CAMTA1: variants seen among roughly 807,000 people sequenced by gnomAD.
The protein encoded by CAMTA1 is calmodulin binding transcription activator 1.
In CAMTA1, 27 loss-of-function variants were observed where a neutral mutation model predicts 170.9. That is an observed-to-expected ratio of 0.16 (90% CI 0.12 to 0.22). The LOEUF (loss-of-function observed/expected upper bound fraction) is 0.22, where lower values mean the gene tolerates loss of function less well. Ranked by LOEUF, CAMTA1 falls within the 10% of genes least tolerant of loss-of-function variation. The pLI is 1.00. For missense variants in CAMTA1, 1,619 were observed against 2,217.2 expected (o/e 0.73, Z 5.42); for synonymous variants, 833 against 891.5 (o/e 0.93, Z 1.17).
intron 6 of CAMTA1, among the ~76,000 whole-genome samples, chr1:7,593,439 C>G (rs552120946): frequency 1.3e-4 from 20 of 150,510 alleles, no homozygotes; most frequent in Non-Finnish European, 5.9e-5. Context: ...GATCAAGGGT[C>G]GAGGAAGGAC....
At chr1:7,047,758 A>G (rs1376327084) in intron 3 of CAMTA1, among the ~76,000 whole-genome samples, 1 of 144,762 alleles carries the variant, frequency 6.9e-6, no homozygotes, top group Non-Finnish European at 1.5e-5. Context: ...AGGATTAGAG[A>G]TTGAAGCTGA....
chr1:7,672,144 C>A, intron 10 of CAMTA1: 1 of 445,644 alleles, frequency 2.2e-6, no homozygotes, highest in Non-Finnish European at 4.5e-6. Context: ...GAGACCCACC[C>A]CTGTCCTCTA....
chr1:6,974,462 A>C (rs1373638553), intron 3 of CAMTA1, among the ~76,000 whole-genome samples: 15 of 152,360 alleles, frequency 9.8e-5, no homozygotes, highest in Non-Finnish European at 2.9e-5. Context: ...ACTGTAGACA[A>C]GCAATTTTTC....
At chr1:7,343,004 C>T (rs745465370) in intron 5 of CAMTA1, among the ~76,000 whole-genome samples, 11 of 152,192 alleles carry the variant, frequency 7.2e-5, no homozygotes, top group Non-Finnish European at 1.2e-4. Flanking sequence ...CATCACACAG[C>T]GCCAGCCCTC....
At chr1:7,211,040 C>G (rs770027337) in intron 4 of CAMTA1, among the ~76,000 whole-genome samples, 4 of 152,160 alleles carry the variant, frequency 2.6e-5, no homozygotes, top group African/African-American at 9.7e-5. Context: ...TCAGTGAACA[C>G]TCATGTACCT....
rs999413462 is a variant in CAMTA1, at chr1:6,796,680, G to C, written c.45+11105G>C. 3.3e-5 allele frequency among the ~76,000 whole-genome samples: 5 copies of C among 152,032 alleles called. 1 individual carries two copies. Among genetic ancestry groups the C allele is most frequent in the South Asian group, 2.1e-4 (1 of 4,828 alleles). ...CCTAGTATTCCTTGTATTGGACTTA[G>C]GGTGCATCTACCCTGGATTGTGCAC... On this transcript the variant is annotated intron_variant, in intron 1 of 22. Transcript: ENST00000303635.
intron 22 of CAMTA1, 91 bp from the exon 23 acceptor site, chr1:7,766,368 G>C (rs552907450): frequency 1.2e-4 from 149 of 1,221,412 alleles, no homozygotes; most frequent in Non-Finnish European, 1.7e-4. Flanking sequence ...TGGCTTTTCA[G>C]TTCAGAGGGA....
intron 3 of CAMTA1, among the ~76,000 whole-genome samples, chr1:7,001,891 C>T (rs946584638): frequency 4.3e-5 from 5 of 116,748 alleles, no homozygotes; most frequent in African/African-American, 1.9e-4. Context: ...TCTTCTTCTT[C>T]TTCTTCTTTT....
chr1:7,374,618 A>G (rs775155780), intron 5 of CAMTA1, among the ~76,000 whole-genome samples: 7 of 152,230 alleles, frequency 4.6e-5, no homozygotes, highest in Non-Finnish European at 7.3e-5. Context: ...CTATTGGTGG[A>G]TGGCTTCTAG....
At chr1:7,586,367 G>A (rs1324716471) in intron 6 of CAMTA1, among the ~76,000 whole-genome samples, 1 of 152,202 alleles carries the variant, frequency 6.6e-6, no homozygotes, top group Non-Finnish European at 1.5e-5. Context: ...CGCCTTATCT[G>A]CGCTCCCCAG....
intron 6 of CAMTA1, among the ~76,000 whole-genome samples, chr1:7,483,829 G>A (rs941137688): frequency 4.6e-5 from 7 of 152,150 alleles, no homozygotes; most frequent in Admixed American, 4.6e-4. Context: ...GGCCGTGGCA[G>A]GACCCCAGGG....
rs779219462 is a variant in CAMTA1 at position 7,092,519 on chromosome 1, C to T, written c.302+1148C>T. Among the ~76,000 whole-genome samples, 6 of 152,190 alleles carry T rather than the reference C, an allele frequency of 3.9e-5. No homozygotes were observed. The highest frequency in any genetic ancestry group is 7.3e-5 in the Non-Finnish European group (5 of 68,034). On this transcript the variant is annotated intron_variant, in intron 4 of 22. Transcript: ENST00000303635. This position sits in a 1 kb window ranked among gnomAD's most constrained non-coding sequence, Gnocchi z 5.0. The stretch of plus-strand genomic sequence containing the variant: ...AAGGAAGGTTAGTTATTGAGGCTCC[C>T]TTCCCCAGGTGGCTCTGAATGGTTC...
At chr1:7,644,153 C>T (rs2095787488) in intron 7 of CAMTA1, among the ~76,000 whole-genome samples, 1 of 152,176 alleles carries the variant, frequency 6.6e-6, no homozygotes, top group Non-Finnish European at 1.5e-5. Context: ...CAGCCTTCAC[C>T]TCACCTGCTG....
chr1:7,090,061 T>C (rs1285335410), intron 3 of CAMTA1, among the ~76,000 whole-genome samples: 20 of 152,220 alleles, frequency 1.3e-4, no homozygotes, highest in Admixed American at 1.3e-3. Flanking sequence ...AGGTCCAGGC[T>C]TCCGGACAGA....
chr1:7,525,937 C>A (rs897922679), intron 6 of CAMTA1, among the ~76,000 whole-genome samples: 3 of 152,046 alleles, frequency 2.0e-5, no homozygotes, highest in Admixed American at 2.0e-4. Context: ...CCCACCCAGA[C>A]CTGGGAAGCC....
chr1:7,663,355 G>A lies in CAMTA1; in HGVS notation c.808G>A (p.Ala270Thr), dbSNP rs2095977979. ...GTGTTGTGTTCCGATCTCCGCAGGA[G>A]CTGGCGGCAGCGTGCATCACAAGTG... ...HNCLCTGSLGAGGSVHHKCNS... is the reference protein window; with the variant it reads ...HNCLCTGSLGTGGSVHHKCNS... The change falls in exon 9 of 23, where the codon GCT (alanine) becomes ACT (threonine). Residue 270 changes from alanine (A) to threonine (T), a missense_variant and splice_region_variant. Ala to Thr is a moderately conservative substitution (Grantham distance 58, BLOSUM62 0). Transcript: ENST00000303635. 2.0e-6 allele frequency: 3 copies of A among 1,525,292 alleles called. No individual in the cohort carries two copies. Among genetic ancestry groups the A allele is most frequent in the Non-Finnish European group, 2.6e-6 (3 of 1,134,326 alleles). 94.5% of individuals were successfully genotyped at this position (1,525,292 alleles called of 1,614,324 possible). A position where few individuals can be genotyped will look rare whatever the true frequency, so the allele number is the denominator to read the frequency against.
chr1:6,842,528 A>T (rs1656254579), intron 3 of CAMTA1, among the ~76,000 whole-genome samples: 1 of 152,238 alleles, frequency 6.6e-6, no homozygotes, highest in South Asian at 2.1e-4. Flanking sequence ...TCCCTAGGAG[A>T]TTCTGAAGTG....
intron 6 of CAMTA1, among the ~76,000 whole-genome samples, chr1:7,560,102 G>A (rs982115242): frequency 6.6e-6 from 1 of 152,200 alleles, no homozygotes; most frequent in Non-Finnish European, 1.5e-5. Flanking sequence ...TCCAGCTCAG[G>A]AGGGGGATTC....
chr1:7,071,833 C>T lies in CAMTA1; in HGVS notation c.235-19471C>T, dbSNP rs533794641. Among the ~76,000 whole-genome samples the T allele has an allele frequency of 3.0e-4, 46 of 152,294 alleles. No individual in the cohort carries two copies. In the South Asian group the frequency reaches 6.4e-3, roughly 21 times the overall value. On this transcript the variant is annotated intron_variant, in intron 3 of 22. Coordinates refer to ENST00000303635, the MANE Select transcript of CAMTA1 (RefSeq NM_015215.4). ...TGGGCCATAATGTGCTGAAAATACC[C>T]GTGTCCTCCTGCCTGGGGGGCCATT...
Sources: gnomAD v4.1 joint callset for allele counts (sites outside exome capture counted in the v4.1 genomes callset) on GRCh38, gnomAD v4.1.1 for gene constraint, Gnocchi (gnomAD v3.1) non-coding constraint, MANE v1.5 for transcripts, NCBI Gene and HGNC (gene_info 2026-07-23, HGNC 2026-07-21) for gene names.